Variants in KLF5 observed in about 807,000 individuals in gnomAD.
KLF5 encodes Krueppel-like factor 5.
In KLF5, 9 loss-of-function variants were observed where a neutral mutation model predicts 36.9. That is an observed-to-expected ratio of 0.24 (90% confidence interval 0.15 to 0.43). The LOEUF (loss-of-function observed/expected upper bound fraction) is 0.43. Among genes scored for constraint, KLF5 ranks in the 20% least tolerant of loss-of-function variants. The pLI is 1.00. For synonymous variants in KLF5, 246 were observed against 241.7 expected, an observed-to-expected ratio of 1.02 and a Z score of -0.17; for missense variants, 524 against 599.5, an observed-to-expected ratio of 0.87 and a Z score of 1.31.
chr13:73,059,642 CGTT>C (rs2044615382), intron 1 of KLF5, 54 bp downstream of exon 1: 4 of 1,122,672 alleles, frequency 3.6e-6, no homozygotes, highest in Non-Finnish European at 4.4e-6. Context: ...GGGCGTGTCC[CGTT>C]GCTGCGACTC....
At chr13:73,066,496 T>C (rs1279688728) in intron 3 of KLF5, among the ~76,000 whole-genome samples, 2 of 152,206 alleles carry the variant, frequency 1.3e-5, no homozygotes, top group East Asian at 3.8e-4. Context: ...TAAAATACTC[T>C]TTAAATGATT....
At chr13:73,070,042 T>C (rs895025221) in intron 3 of KLF5, among the ~76,000 whole-genome samples, 1 of 152,210 alleles carries the variant, frequency 6.6e-6, no homozygotes, top group South Asian at 2.1e-4. Flanking sequence ...TGTCCTACTT[T>C]AGTAAAAGTA....
intron 3 of KLF5, among the ~76,000 whole-genome samples, chr13:73,066,004 C>T (rs1281626223): frequency 6.6e-6 from 1 of 152,188 alleles, no homozygotes; most frequent in Admixed American, 6.5e-5. Flanking sequence ...AAGACCGAGA[C>T]CTGGTTTGGG....
intron 2 of KLF5, among the ~76,000 whole-genome samples, chr13:73,063,416 G>C (rs906530972): frequency 6.6e-6 from 1 of 152,120 alleles, no homozygotes; most frequent in Middle Eastern, 3.2e-3. Context: ...ATGGCATGAC[G>C]TGCTAAATGA....
chr13:73,062,466 A>G lies in KLF5; in HGVS notation c.867A>G (p.Pro289=), dbSNP rs1216024818. The change falls in exon 2 of 4, where the codon CCA becomes CCG. Residue 289 remains proline (P), a synonymous_variant. Coordinates refer to ENST00000377687, the MANE Select transcript of KLF5 (RefSeq NM_001730.5). ...TGCCCCCTTGCACATACACAATGCC[A>G]AGTCAGTTTCTTCCACAACAGGCCA... ...QGMPPCTYTM[P]SQFLPQQATY... The G allele has an allele frequency of 1.9e-6, 3 of 1,614,064 alleles. No homozygotes were observed. Among genetic ancestry groups the G allele is most frequent in the Non-Finnish European group, 2.5e-6 (3 of 1,180,040 alleles).
intron 3 of KLF5, 61 bp from the exon 4 acceptor site, chr13:73,075,647 T>A: frequency 7.5e-7 from 1 of 1,334,848 alleles, no homozygotes; most frequent in Non-Finnish European, 1.0e-6. Context: ...CCTTCTCCGG[T>A]GTTATCTAGG....
chr13:73,073,290 G>A (rs180694225), intron 3 of KLF5, among the ~76,000 whole-genome samples: 122 of 151,122 alleles, frequency 8.1e-4, no homozygotes, highest in African/African-American at 3.0e-3. Flanking sequence ...TGCCCCAAGT[G>A]GGGGGATAGT....
chr13:73,059,175 G>C lies in KLF5; in HGVS notation c.-153G>C. The stretch of plus-strand genomic sequence containing the variant: ...CGGAAGAGTTTTGCTTTTCGTGCGC[G>C]CCTTCGAAAACTGCCTGCCGCTGTC... On this transcript the variant is annotated 5_prime_UTR_variant, in exon 1 of 4. Transcript: ENST00000377687. 1 of 626,460 alleles carries C rather than the reference G, an allele frequency of 1.6e-6. No individual in the cohort carries two copies. 38.8% of individuals were successfully genotyped at this position (626,460 alleles called of 1,614,324 possible). A position where few individuals can be genotyped will look rare whatever the true frequency, so the allele number is the denominator to read the frequency against.
chr13:73,071,279 G>A (rs2044720303), intron 3 of KLF5, among the ~76,000 whole-genome samples: 1 of 152,068 alleles, frequency 6.6e-6, no homozygotes. Flanking sequence ...AATATAAATT[G>A]AGGAGAGAAA....
intron 3 of KLF5, among the ~76,000 whole-genome samples, chr13:73,065,880 G>C (rs933223810): frequency 3.3e-5 from 5 of 152,150 alleles, no homozygotes; most frequent in African/African-American, 4.8e-5. Flanking sequence ...ACCCCGTCAG[G>C]GTTTAGTGCC....
Position 73,062,115 on chromosome 13 carries a change from G to C in KLF5, c.516G>C (p.Gln172His), listed in dbSNP as rs1374426177. 25 of 1,614,086 alleles carry C rather than the reference G, an allele frequency of 1.5e-5. No homozygotes were observed. Among genetic ancestry groups the C allele is most frequent in the Non-Finnish European group, 2.1e-5 (25 of 1,180,026 alleles). ...AACCTGTTGCCATTTTCAGCCACCAGAGTGAAACGACTGCCCCTCCTCCGG... is the reference window on the plus strand; with the variant it reads ...AACCTGTTGCCATTTTCAGCCACCACAGTGAAACGACTGCCCCTCCTCCGG... ...KTEPVAIFSHQSETTAPPPAP... is the reference protein window; with the variant it reads ...KTEPVAIFSHHSETTAPPPAP... Residue 172 changes from glutamine to histidine, a missense_variant, in exon 2 of 4, where the codon CAG becomes CAC. This residue lies in a region of KLF5 where 454 missense variants were observed against 458.1 expected (regional missense o/e 0.99). Transcript: ENST00000377687.
chr13:73,075,616 A>AT (rs896871662), intron 3 of KLF5, 92 bp from the exon 4 acceptor site: 3,235 of 1,093,454 alleles, frequency 3.0e-3, no homozygotes, highest in South Asian at 3.8e-3. Flanking sequence ...CTTGGCCAAG[A>AT]TTTTTTTTTT....
intron 3 of KLF5, among the ~76,000 whole-genome samples, chr13:73,073,487 T>C (rs984406501): frequency 6.6e-6 from 1 of 152,202 alleles, no homozygotes; most frequent in Non-Finnish European, 1.5e-5. Flanking sequence ...TGGTGCAGTT[T>C]ATTGCTTCAT....
intron 1 of KLF5, among the ~76,000 whole-genome samples, chr13:73,060,892 G>A (rs2044629914): frequency 6.6e-6 from 1 of 152,222 alleles, no homozygotes; most frequent in Non-Finnish European, 1.5e-5. Context: ...GCCTAGAAAA[G>A]AGATCACCGT....
chr13:73,059,553 A>G lies in KLF5; in HGVS notation c.226A>G (p.Thr76Ala). 1.7e-6 allele frequency: 2 copies of G among 1,170,238 alleles called. No homozygotes were observed. Among genetic ancestry groups the G allele is most frequent in the South Asian group, 4.0e-5 (1 of 25,146 alleles). The allele number at this position is 1,170,238 out of a possible 1,614,324, so 72.5% of individuals were successfully genotyped here. Residue 76 changes from threonine (T) to alanine (A), a missense_variant, in exon 1 of 4, where the codon ACC becomes GCC. Coordinates refer to ENST00000377687, the MANE Select transcript of KLF5 (RefSeq NM_001730.5). ...QAPQPAQPPA[T>A]GPRLPPEDLV... ...CCCGCAGCCGGCCCAGCCGCCCGCCACCGGCCCGCGGCTGCCTCCAGAGGA... is the reference window on the plus strand; with the variant it reads ...CCCGCAGCCGGCCCAGCCGCCCGCCGCCGGCCCGCGGCTGCCTCCAGAGGA...
At chr13:73,060,157 TAAAAAAAAAAAAA>T (rs535575783) in intron 1 of KLF5, among the ~76,000 whole-genome samples, 1 of 116,680 alleles carries the variant, frequency 8.6e-6, no homozygotes, top group Non-Finnish European at 1.7e-5. Flanking sequence ...TATTTTTCCT[TAAAAAAAAAAAAA>T]AAAAAAAAAG....
chr13:73,058,391 A>G (rs758842375), upstream of KLF5, among the ~76,000 whole-genome samples: 7 of 152,344 alleles, frequency 4.6e-5, no homozygotes, highest in Non-Finnish European at 7.3e-5. Flanking sequence ...TTATTCAGGC[A>G]TTCTGAATTT....
In KLF5 at chr13:73,068,842, TC is replaced by T. The variant is rs1431351198; in HGVS notation, c.1195+4962del. Among the ~76,000 whole-genome samples, 9 of 151,164 alleles carry T rather than the reference TC, an allele frequency of 6.0e-5. No individual in the cohort carries two copies. The Admixed American group carries it at 6.0e-4, about 10-fold the overall frequency. ...GCGCGGTGGCGGCTCACGCCTGTAA[TC>T]CCAGCTCTTTGGGAGGCGGAGGCAG... On this transcript the variant is annotated intron_variant, in intron 3 of 3. Transcript: ENST00000377687.
intron 2 of KLF5, 77 bp from the exon 3 acceptor site, chr13:73,063,747 A>G: frequency 9.5e-7 from 1 of 1,053,294 alleles, no homozygotes; most frequent in Non-Finnish European, 1.5e-6. Flanking sequence ...TTAAAGCCAG[A>G]TTTTAAACAC....
Sources: gnomAD v4.1 joint callset for allele counts (sites outside exome capture counted in the v4.1 genomes callset) on GRCh38, gnomAD v4.1.1 for gene constraint, gnomAD v4.1.1 regional missense constraint, MANE v1.5 for transcripts, NCBI Gene and HGNC (gene_info 2026-07-23, HGNC 2026-07-21) for gene names.